Variants in CSMD1 observed in about 807,000 individuals in gnomAD.
The protein encoded by CSMD1 is CUB and Sushi multiple domains 1.
A neutral mutation model predicts 417.5 loss-of-function variants in CSMD1; 213 were observed. The observed-to-expected ratio is 0.51, with a 90% CI of 0.46 to 0.57. The LOEUF (loss-of-function observed/expected upper bound fraction) is 0.57. Ranked by LOEUF, CSMD1 falls within the 20% of genes least tolerant of loss-of-function variation. The pLI is 0.00. For missense variants in CSMD1, 6,923 were observed against 4,529.7 expected (o/e 1.53, Z -15.17); for synonymous variants, 2,862 against 1,736.8 (o/e 1.65, Z -16.11).
Position 3,900,686 on chromosome 8 carries a change from C to A in CSMD1, c.818+97217G>T, listed in dbSNP as rs200699004. ...ACAGTGTAGCTAGGTGACAGTGTAG[C>A]TTGGTGGCCCTGAAGCTGGATGACT... On this transcript the variant is annotated intron_variant, in intron 5 of 69. Transcript: ENST00000635120. 3.3e-5 allele frequency among the ~76,000 whole-genome samples: 5 copies of A among 151,818 alleles called. No homozygotes were observed. The East Asian group carries it at 9.7e-4, about 30-fold the overall frequency.
intron 3 of CSMD1, among the ~76,000 whole-genome samples, chr8:4,390,988 A>G (rs1268420539): frequency 1.3e-5 from 2 of 152,146 alleles, no homozygotes; most frequent in South Asian, 2.1e-4. Context: ...TTTCTACCAT[A>G]TGTGTGTTTG....
At chr8:3,045,560 C>T (rs951868831) in intron 50 of CSMD1, among the ~76,000 whole-genome samples, 1 of 152,192 alleles carries the variant, frequency 6.6e-6, no homozygotes, top group African/African-American at 2.4e-5. Context: ...CTTAAAGCCA[C>T]TGGTCTATTA....
intron 1 of CSMD1, among the ~76,000 whole-genome samples, chr8:4,816,357 G>C (rs1799208860): frequency 6.6e-6 from 1 of 151,846 alleles, no homozygotes; most frequent in Non-Finnish European, 1.5e-5. Context: ...GGTAATTTTT[G>C]AATCTTTAGT....
chr8:4,692,850 T>C (rs1274960613), intron 1 of CSMD1, among the ~76,000 whole-genome samples: 1 of 152,240 alleles, frequency 6.6e-6, no homozygotes, highest in African/African-American at 2.4e-5. Flanking sequence ...TTTCTCATCA[T>C]ACTGTGAGGT....
intron 23 of CSMD1, among the ~76,000 whole-genome samples, chr8:3,341,565 G>C (rs1021783172): frequency 6.6e-6 from 1 of 152,162 alleles, no homozygotes; most frequent in African/African-American, 2.4e-5. Context: ...GGGAAAAAGT[G>C]AGCTTAGTAA....
chr8:3,940,897 AG>A (rs1303175758), intron 5 of CSMD1, among the ~76,000 whole-genome samples: 1 of 147,368 alleles, frequency 6.8e-6, no homozygotes, highest in Non-Finnish European at 1.5e-5. Flanking sequence ...TCTCCCCCCG[AG>A]ATTATGTCTA....
chr8:4,852,677 A>C (rs1397200535), intron 1 of CSMD1, among the ~76,000 whole-genome samples: 1 of 152,150 alleles, frequency 6.6e-6, no homozygotes, highest in East Asian at 1.9e-4. Context: ...AGTTTGGAGG[A>C]CTCAAAAGAC....
intron 3 of CSMD1, among the ~76,000 whole-genome samples, chr8:4,250,361 G>A (rs1424194163): frequency 2.0e-5 from 3 of 152,170 alleles, no homozygotes; most frequent in Non-Finnish European, 2.9e-5. Flanking sequence ...GTCCCCTAAT[G>A]TGACTCTGTG....
chr8:4,182,917 G>A (rs965636052), intron 3 of CSMD1, among the ~76,000 whole-genome samples: 5 of 152,128 alleles, frequency 3.3e-5, no homozygotes, highest in Non-Finnish European at 5.9e-5. Context: ...ATTGAAGACG[G>A]TGGATAGAAT....
At chr8:3,188,095 T>C (rs956298690) in intron 35 of CSMD1, 130 bp from the exon 36 acceptor site, 4 of 299,628 alleles carry the variant, frequency 1.3e-5, no homozygotes, top group East Asian at 5.8e-5. Context: ...TATGTATATA[T>C]ATATACATAT....
At position 3,157,167 on chromosome 8, in the gene CSMD1, G is replaced by C. The variant is rs1172536328; in HGVS notation, c.5914+730C>G. On this transcript the variant is annotated intron_variant, in intron 39 of 69. Coordinates refer to ENST00000635120, the MANE Select transcript of CSMD1 (RefSeq NM_033225.6). ...CCTGCAAGGTTGAATGGTTGCCTGA[G>C]CTACAGGTAAAGGTTTCTGAGTTGG... Among the ~76,000 whole-genome samples, 2 of 152,034 alleles carry C rather than the reference G, an allele frequency of 1.3e-5. 1 individual carries two copies. The highest frequency in any genetic ancestry group is 2.9e-5 in the Non-Finnish European group (2 of 68,014).
At chr8:3,284,634 T>C in intron 25 of CSMD1, 2 of 374,924 alleles carry the variant, frequency 5.3e-6, no homozygotes, top group Non-Finnish European at 1.0e-5. Flanking sequence ...CTTTTGAGAC[T>C]TCCAGATCTC....
At chr8:4,247,169 T>C (rs1037813681) in intron 3 of CSMD1, among the ~76,000 whole-genome samples, 3 of 152,242 alleles carry the variant, frequency 2.0e-5, no homozygotes, top group African/African-American at 7.2e-5. Context: ...GCATCTTTTT[T>C]ATGCTCTATA....
At position 3,768,373 on chromosome 8, in the gene CSMD1, C is replaced by G. The variant is rs184114897; in HGVS notation, c.819-14331G>C. 3.9e-5 allele frequency among the ~76,000 whole-genome samples: 6 copies of G among 152,266 alleles called. No homozygotes were observed. The East Asian group carries it at 1.2e-3, about 29-fold the overall frequency. On this transcript the variant is annotated intron_variant, in intron 5 of 69. Coordinates refer to ENST00000635120, the MANE Select transcript of CSMD1 (RefSeq NM_033225.6). ...AATATGATTGGGAAATTCCAAACAC[C>G]CAGCCTTTAAGGAGTAACATTCCTT...
chr8:3,996,711 C>G (rs1213928820), intron 5 of CSMD1, among the ~76,000 whole-genome samples: 2 of 152,208 alleles, frequency 1.3e-5, no homozygotes, highest in Middle Eastern at 3.4e-3. Flanking sequence ...AAATTGAAAA[C>G]AAAGACAATC....
intron 2 of CSMD1, among the ~76,000 whole-genome samples, chr8:4,436,069 C>G (rs1454618864): frequency 6.6e-6 from 1 of 152,088 alleles, no homozygotes; most frequent in Non-Finnish European, 1.5e-5. Flanking sequence ...TCTTATAATT[C>G]CAAGTTTCAA....
chr8:3,056,437 G>C (rs1812226181), intron 49 of CSMD1, among the ~76,000 whole-genome samples: 1 of 152,160 alleles, frequency 6.6e-6, no homozygotes, highest in Admixed American at 6.5e-5. Flanking sequence ...GCACAGTCCA[G>C]GTTCACTGCA....
intron 11 of CSMD1, among the ~76,000 whole-genome samples, chr8:3,473,291 G>C (rs1413763237): frequency 6.6e-6 from 1 of 152,004 alleles, no homozygotes; most frequent in East Asian, 1.9e-4. Flanking sequence ...TGTCAAATCA[G>C]GTTTATGTTT....
chr8:4,777,335 G>A (rs1205705311), intron 1 of CSMD1, among the ~76,000 whole-genome samples: 2 of 152,188 alleles, frequency 1.3e-5, no homozygotes, highest in Non-Finnish European at 2.9e-5. Flanking sequence ...GTAAATGAGA[G>A]AGTGCCTTTG....
Sources: allele counts gnomAD v4.1 joint callset (sites outside exome capture counted in the v4.1 genomes callset), GRCh38; gene constraint gnomAD v4.1.1; transcripts MANE v1.5; gene names NCBI Gene and HGNC (gene_info 2026-07-23, HGNC 2026-07-21).